The following TAF1 variants were observed in gnomAD, a reference collection of about 807,000 sequenced individuals.
TAF1 encodes the protein TATA-box binding protein associated factor 1, also known as transcription initiation factor TFIID subunit 1.
A neutral mutation model predicts 138.5 loss-of-function variants in TAF1; 2 were observed. That is an observed-to-expected ratio of 0.01 (90% CI 0.01 to 0.05). TAF1 has a LOEUF of 0.05. TAF1 is among the 10% of genes least tolerant of loss of function. TAF1 has a pLI of 1.00. For synonymous variants in TAF1, 437 were observed against 503.2 expected (o/e 0.87, Z 1.76); for missense variants, 709 against 1,478.0 (o/e 0.48, Z 8.53).
At chrX:71,483,124 C>T (rs2039099704) in intron 13 of TAF1, among the ~76,000 whole-genome samples, 1 of 105,834 alleles carries the variant, frequency 9.4e-6, no homozygotes, top group African/African-American at 3.4e-5. Context: ...CATGTGCCAC[C>T]ATGACTGGCT....
intron 13 of TAF1, among the ~76,000 whole-genome samples, chrX:71,507,481 T>G (rs746225968): frequency 8.9e-6 from 1 of 111,782 alleles, no homozygotes; most frequent in South Asian, 3.8e-4. Context: ...CCTCTCACCT[T>G]TGGACCCCAG....
intron 22 of TAF1, among the ~76,000 whole-genome samples, chrX:71,396,767 T>C (rs1307914076): frequency 2.7e-5 from 3 of 110,975 alleles, no homozygotes; most frequent in Non-Finnish European, 5.7e-5. Flanking sequence ...GGCGTGTGGC[T>C]TAGGCCTGTA....
chrX:71,387,469 T>A lies in TAF1; in HGVS notation c.2427+8T>A, dbSNP rs774512359. ...ATTCGAGACTTTCTACAGGTAAGAATGGGAGGATAGGGAGGGGATTGGGTT... is the reference window on the plus strand; with the variant it reads ...ATTCGAGACTTTCTACAGGTAAGAAAGGGAGGATAGGGAGGGGATTGGGTT... On this transcript the variant is annotated splice_region_variant and intron_variant, in intron 15 of 37. Coordinates refer to ENST00000423759, the MANE Select transcript of TAF1 (RefSeq NM_004606.5). 1.7e-6 allele frequency: 2 copies of A among 1,211,174 alleles called. No individual in the cohort carries two copies. The highest frequency in any genetic ancestry group is 2.2e-5 in the Admixed American group (1 of 45,986).
chrX:71,452,240 C>G (rs1295743769), intron 32 of TAF1, among the ~76,000 whole-genome samples: 2 of 109,188 alleles, frequency 1.8e-5, no homozygotes, highest in African/African-American at 6.7e-5. Context: ...GGCTGCCGGG[C>G]GGAGGGGCTC....
downstream of TAF1, among the ~76,000 whole-genome samples, chrX:71,468,663 C>T (rs762129709): frequency 1.5e-3 from 150 of 97,492 alleles, 1 homozygote; most frequent in Middle Eastern, 0.011. Flanking sequence ...CCAGCCTGGG[C>T]GACAAAGTGA....
At chrX:71,432,680 A>G (rs778059228) in intron 32 of TAF1, among the ~76,000 whole-genome samples, 2 of 111,387 alleles carry the variant, frequency 1.8e-5, no homozygotes, top group African/African-American at 6.5e-5. Flanking sequence ...AAATTATTGA[A>G]GTTCGGGCAT....
intron 3 of TAF1, among the ~76,000 whole-genome samples, chrX:71,370,868 G>C (rs1222463759): frequency 8.9e-6 from 1 of 112,035 alleles, no homozygotes; most frequent in East Asian, 2.8e-4. Flanking sequence ...TATAAGCCCT[G>C]CCTTTAAGGA....
chrX:71,434,519 A>T (rs771796793), intron 32 of TAF1, among the ~76,000 whole-genome samples: 1 of 111,953 alleles, frequency 8.9e-6, no homozygotes, highest in African/African-American at 3.2e-5. Flanking sequence ...ACTATATTGT[A>T]TATAGCCAGA....
intron 13 of TAF1, among the ~76,000 whole-genome samples, chrX:71,490,874 T>C (rs896329493): frequency 1.8e-4 from 19 of 108,540 alleles, no homozygotes; most frequent in Non-Finnish European, 1.3e-4. Flanking sequence ...AATACAGGCA[T>C]GTGCCACCAT....
chrX:71,441,299 C>T (rs2037406043), intron 32 of TAF1, among the ~76,000 whole-genome samples: 1 of 109,658 alleles, frequency 9.1e-6, no homozygotes, highest in African/African-American at 3.3e-5. Flanking sequence ...AAAAACATAT[C>T]ATAGTTATTT....
At chrX:71,512,014 C>CA (rs776364300) in intron 13 of TAF1, among the ~76,000 whole-genome samples, 1,989 of 77,037 alleles carry the variant, frequency 0.026, 16 homozygotes, top group Middle Eastern at 0.056. Flanking sequence ...GACCTTGTCT[C>CA]AAAAAAAAAA....
chrX:71,425,518 C>T (rs1400170622), intron 32 of TAF1, among the ~76,000 whole-genome samples: 1 of 110,651 alleles, frequency 9.0e-6, no homozygotes, highest in African/African-American at 3.3e-5. Flanking sequence ...GTGGTGAGTG[C>T]CTGAAGTCTT....
chrX:71,502,783 C>T (rs1465975011), intron 13 of TAF1, among the ~76,000 whole-genome samples: 1 of 109,415 alleles, frequency 9.1e-6, no homozygotes. Flanking sequence ...ACAAGAAGTA[C>T]AAAAATTAGC....
chrX:71,371,610 A>C (rs1027080765), intron 3 of TAF1, among the ~76,000 whole-genome samples: 2 of 112,040 alleles, frequency 1.8e-5, no homozygotes, highest in African/African-American at 6.5e-5. Flanking sequence ...TTATGTATGC[A>C]TTACTTGGGA....
chrX:71,491,237 C>T (rs1228414096), intron 13 of TAF1: 1 of 109,300 alleles, frequency 9.1e-6, no homozygotes, highest in African/African-American at 3.3e-5. Context: ...GCGGGAGCCT[C>T]GGGAGAGAGC....
chrX:71,435,220 T>C (rs1423315364), intron 32 of TAF1, among the ~76,000 whole-genome samples: 1 of 111,981 alleles, frequency 8.9e-6, no homozygotes, highest in Non-Finnish European at 1.9e-5. Flanking sequence ...CCCCACAATC[T>C]AGATATAAAT....
At position 71,381,775 on chromosome X, in the gene TAF1, T is replaced by C; in HGVS notation, c.1393T>C (p.Trp465Arg). The C allele has an allele frequency of 1.7e-6, 2 of 1,210,394 alleles. No homozygotes were observed. The highest frequency in any genetic ancestry group is 2.2e-6 in the Non-Finnish European group (2 of 894,762). Reference protein sequence around the residue: ...FAATLDDDKPWYSIFPIDNED... With the variant: ...FAATLDDDKPRYSIFPIDNED... Reference sequence around the variant, plus strand: ...AGCCACTCTTGATGATGACAAACCTTGGTACTCCATTTTTCCCATTGACAA... The same window carrying C: ...AGCCACTCTTGATGATGACAAACCTCGGTACTCCATTTTTCCCATTGACAA... The change falls in exon 9 of 38, where the codon TGG (tryptophan) becomes CGG (arginine). Residue 465 changes from tryptophan (W) to arginine (R), a missense_variant. This residue lies in a region of TAF1 where 201 missense variants were observed against 421.3 expected (regional missense o/e 0.48). Coordinates refer to ENST00000423759, the MANE Select transcript of TAF1 (RefSeq NM_004606.5).
chrX:71,518,851 A>G (rs1278601192), intron 13 of TAF1, among the ~76,000 whole-genome samples: 1 of 105,531 alleles, frequency 9.5e-6, no homozygotes, highest in Non-Finnish European at 1.9e-5. Context: ...GCGTGCCACC[A>G]TGCCCGGATA....
At chrX:71,504,895 C>T (rs777826855) in intron 13 of TAF1, among the ~76,000 whole-genome samples, 1 of 109,032 alleles carries the variant, frequency 9.2e-6, no homozygotes, top group South Asian at 4.0e-4. Flanking sequence ...TCTGGGAGGC[C>T]GAGACAGGTG....
Sources: allele counts gnomAD v4.1 joint callset (sites outside exome capture counted in the v4.1 genomes callset), GRCh38; gene constraint gnomAD v4.1.1; regional missense constraint gnomAD v4.1.1; transcripts MANE v1.5; gene names NCBI Gene and HGNC (gene_info 2026-07-23, HGNC 2026-07-21).